PCDHA13: variants seen among roughly 807,000 people sequenced by gnomAD.
PCDHA13 encodes the protein protocadherin alpha 13.
In PCDHA13, 54 loss-of-function variants were observed where a neutral mutation model predicts 64.8. The observed-to-expected ratio is 0.83, with a 90% confidence interval of 0.67 to 1.04. The LOEUF is 1.04. Ranked by LOEUF, PCDHA13 falls within the 50% of genes least tolerant of loss-of-function variation. The pLI, the probability that PCDHA13 is intolerant of heterozygous loss-of-function variation, is 0.00. For missense variants in PCDHA13, 1,248 were observed against 1,254.3 expected, an observed-to-expected ratio of 0.99 and a Z score of 0.08; for synonymous variants, 587 against 564.4, an observed-to-expected ratio of 1.04 and a Z score of -0.57.
intron 3 of PCDHA13, among the ~76,000 whole-genome samples, chr5:140,986,174 A>G (rs896771813): frequency 1.3e-5 from 2 of 152,238 alleles, no homozygotes; most frequent in Admixed American, 6.5e-5. Flanking sequence ...CAGGATAAAC[A>G]AGTCAGGCAT....
intron 1 of PCDHA13, among the ~76,000 whole-genome samples, chr5:140,894,494 T>C (rs1412845995): frequency 6.6e-6 from 1 of 151,992 alleles, no homozygotes; most frequent in Non-Finnish European, 1.5e-5. Flanking sequence ...TAGTTTTCTT[T>C]AGGCATTATC....
intron 3 of PCDHA13, among the ~76,000 whole-genome samples, chr5:140,995,291 G>A (rs958346050): frequency 1.4e-4 from 22 of 152,086 alleles, no homozygotes; most frequent in African/African-American, 4.6e-4. Flanking sequence ...ACAGCCAGTC[G>A]GATACCAAGA....
At chr5:140,936,577 A>G (rs776415020) in intron 1 of PCDHA13, among the ~76,000 whole-genome samples, 1 of 152,186 alleles carries the variant, frequency 6.6e-6, no homozygotes, top group Non-Finnish European at 1.5e-5. Flanking sequence ...TCCACTTGTA[A>G]ATCCAGTTAG....
At chr5:140,936,833 A>G (rs186890408) in intron 1 of PCDHA13, among the ~76,000 whole-genome samples, 1 of 152,276 alleles carries the variant, frequency 6.6e-6, no homozygotes, top group East Asian at 1.9e-4. Context: ...GCATTTCTAT[A>G]TAAATTGTAG....
intron 1 of PCDHA13, among the ~76,000 whole-genome samples, chr5:140,932,387 T>C (rs1419863335): frequency 6.6e-6 from 1 of 151,960 alleles, no homozygotes; most frequent in Non-Finnish European, 1.5e-5. Context: ...AAGTTATACA[T>C]AGTTTCAACA....
At chr5:140,931,791 T>A (rs1168945699) in intron 1 of PCDHA13, among the ~76,000 whole-genome samples, 1 of 152,016 alleles carries the variant, frequency 6.6e-6, no homozygotes, top group African/African-American at 2.4e-5. Context: ...CCTATTGATC[T>A]GATCTTAATT....
At chr5:140,968,995 A>G in intron 1 of PCDHA13, 2 of 1,614,200 alleles carry the variant, frequency 1.2e-6, no homozygotes, top group Non-Finnish European at 1.7e-6. Flanking sequence ...CATGCTGTGG[A>G]GGCTTCTGTG....
At chr5:140,914,038 T>C (rs949307049) in intron 1 of PCDHA13, among the ~76,000 whole-genome samples, 14 of 152,206 alleles carry the variant, frequency 9.2e-5, no homozygotes, top group Non-Finnish European at 1.3e-4. Context: ...GAGAAGAATG[T>C]GTATTCTGCA....
At chr5:140,967,585 C>T (rs1278675624) in intron 1 of PCDHA13, 1 of 1,614,152 alleles carries the variant, frequency 6.2e-7, no homozygotes, top group Non-Finnish European at 8.5e-7. Flanking sequence ...CACCCCCAGG[C>T]ACATTGGTGG....
Position 140,884,221 on chromosome 5 carries a change from G to A in PCDHA13, c.1953G>A (p.Val651=). ...CGCACCACCGCCTTCTGGTGCTGGT[G>A]AAGGACCACGGTGAGCCCGCGCTGA... ...DAPHHRLLVL[V]KDHGEPALTA... The change falls in exon 1 of 4, where the codon GTG becomes GTA. Residue 651 remains valine, a synonymous_variant. Coordinates refer to ENST00000289272, the MANE Select transcript of PCDHA13 (RefSeq NM_018904.3). The A allele has an allele frequency of 6.2e-7, 1 of 1,613,488 alleles. No homozygotes were observed. Among genetic ancestry groups the A allele is most frequent in the East Asian group, 2.2e-5 (1 of 44,856 alleles).
intron 2 of PCDHA13, among the ~76,000 whole-genome samples, chr5:140,981,680 C>T (rs1238332235): frequency 6.6e-6 from 1 of 151,746 alleles, no homozygotes; most frequent in Non-Finnish European, 1.5e-5. Flanking sequence ...CTTCCTTCCT[C>T]CCTTCCATCA....
chr5:140,954,505 A>G (rs1011072156), intron 1 of PCDHA13, among the ~76,000 whole-genome samples: 2 of 152,082 alleles, frequency 1.3e-5, no homozygotes, highest in Non-Finnish European at 2.9e-5. Flanking sequence ...TTTGATTTGC[A>G]TTTACCTAAT....
chr5:141,009,339 G>A (rs1328874922), intron 3 of PCDHA13, among the ~76,000 whole-genome samples: 13 of 152,168 alleles, frequency 8.5e-5, no homozygotes, highest in African/African-American at 3.1e-4. Context: ...TGTGCCTGTA[G>A]TTCCAGCTAC....
chr5:141,003,796 G>A (rs2098138988), intron 3 of PCDHA13, among the ~76,000 whole-genome samples: 1 of 152,168 alleles, frequency 6.6e-6, no homozygotes, highest in Non-Finnish European at 1.5e-5. Context: ...ATCCTATTGG[G>A]TTGTAATCTG....
intron 1 of PCDHA13, among the ~76,000 whole-genome samples, chr5:140,943,783 C>A (rs1388163068): frequency 1.3e-5 from 2 of 152,102 alleles, no homozygotes; most frequent in Non-Finnish European, 2.9e-5. Context: ...AGGAAGTGGT[C>A]CTTTATGCAA....
intron 1 of PCDHA13, among the ~76,000 whole-genome samples, chr5:140,965,785 T>C (rs1315730975): frequency 1.3e-5 from 2 of 152,222 alleles, no homozygotes; most frequent in East Asian, 3.8e-4. Context: ...GCCTACAGCT[T>C]CATGGAGACT....
chr5:140,982,427 G>C, intron 2 of PCDHA13, 48 bp from the exon 3 acceptor site: 1 of 1,612,412 alleles, frequency 6.2e-7, no homozygotes, highest in Non-Finnish European at 8.5e-7. Context: ...GAAGAGATGG[G>C]AAAGAATTTA....
At chr5:140,928,137 C>T (rs537220203) in intron 1 of PCDHA13, 14 of 1,614,066 alleles carry the variant, frequency 8.7e-6, no homozygotes, top group Admixed American at 1.7e-5. Flanking sequence ...AAGTCCTGAT[C>T]ACGGCCTCAG....
chr5:141,000,387 C>CTA (rs2097910380), intron 3 of PCDHA13, among the ~76,000 whole-genome samples: 5 of 66,898 alleles, frequency 7.5e-5, no homozygotes, highest in Non-Finnish European at 1.1e-4. Context: ...CTCTCTCTCT[C>CTA]TCTCTCTCTA....
Sources: allele counts gnomAD v4.1 joint callset (sites outside exome capture counted in the v4.1 genomes callset), GRCh38; gene constraint gnomAD v4.1.1; transcripts MANE v1.5; gene names NCBI Gene and HGNC (gene_info 2026-07-23, HGNC 2026-07-21).